Variants in MBD5 observed in about 807,000 individuals in gnomAD.
The protein encoded by MBD5 is methyl-CpG binding domain protein 5, also known as methyl-CpG-binding domain protein 5.
In MBD5, 13 loss-of-function variants were observed where a neutral mutation model predicts 117.3. The ratio of observed to expected loss-of-function variants is 0.11; its 90% CI spans 0.07 to 0.18. The LOEUF is 0.18. Among genes scored for constraint, MBD5 ranks in the 10% least tolerant of loss-of-function variants. MBD5 has a pLI of 1.00. For synonymous variants in MBD5, 727 were observed against 766.4 expected (o/e 0.95, Z 0.85); for missense variants, 1,879 against 2,093.8 (o/e 0.90, Z 2.00).
chr2:148,088,066 A>G (rs1695841837), intron 1 of MBD5, among the ~76,000 whole-genome samples: 1 of 152,174 alleles, frequency 6.6e-6, no homozygotes, highest in South Asian at 2.1e-4. Context: ...AGAGAAATAC[A>G]AAATGCACTG....
At position 148,337,527 on chromosome 2, in the gene MBD5, A is replaced by G. The variant is rs574423301; in HGVS notation, c.-679-4687A>G. Among the ~76,000 whole-genome samples, 3 of 152,324 alleles carry G rather than the reference A, an allele frequency of 2.0e-5. No individual in the cohort carries two copies. The South Asian group carries it at 6.2e-4, about 32-fold the overall frequency. On this transcript the variant is annotated intron_variant, in intron 3 of 13. Coordinates refer to ENST00000642680, the MANE Select transcript of MBD5 (RefSeq NM_001378120.1). ...GTGGAAATTTATGTGTAGCATGGCA[A>G]TGCATTGAACATCTCTGGAAGGATG...
At chr2:148,256,350 G>A (rs1700590263) in intron 3 of MBD5, among the ~76,000 whole-genome samples, 1 of 152,204 alleles carries the variant, frequency 6.6e-6, no homozygotes, top group African/African-American at 2.4e-5. Flanking sequence ...CTTGGCCAAG[G>A]CATCTGCCTC....
At chr2:148,303,554 C>G (rs1246616754) in intron 3 of MBD5, among the ~76,000 whole-genome samples, 2 of 151,840 alleles carry the variant, frequency 1.3e-5, no homozygotes, top group South Asian at 4.1e-4. Flanking sequence ...GTTATTTTAA[C>G]TGACAAAAAA....
intron 1 of MBD5, chr2:148,056,032 C>T (rs1465917749): frequency 2.6e-5 from 4 of 152,106 alleles, no homozygotes; most frequent in African/African-American, 9.7e-5. Flanking sequence ...ATGTCCAAGA[C>T]CATGGAATAC....
rs1705301099 is a variant in MBD5 at position 148,412,721 on chromosome 2, TG to T, written c.-556-45481del. Among the ~76,000 whole-genome samples the T allele has an allele frequency of 2.6e-5, 4 of 152,240 alleles. No homozygotes were observed. In the South Asian group the frequency reaches 8.3e-4, roughly 32 times the overall value. Reference sequence around the variant, plus strand: ...GGTATTTTATTCTTTTTGTGGCAAATGTGAATGGGATTGTGTTCCTGATTTG... The same window carrying T: ...GGTATTTTATTCTTTTTGTGGCAAATTGAATGGGATTGTGTTCCTGATTTG... On this transcript the variant is annotated intron_variant, in intron 4 of 13. Coordinates refer to ENST00000642680, the MANE Select transcript of MBD5 (RefSeq NM_001378120.1).
intron 1 of MBD5, among the ~76,000 whole-genome samples, chr2:148,048,001 A>T (rs1417273331): frequency 6.6e-6 from 1 of 152,206 alleles, no homozygotes; most frequent in East Asian, 1.9e-4. Context: ...TCCCAACTTA[A>T]ATATGCTGTC....
intron 3 of MBD5, among the ~76,000 whole-genome samples, chr2:148,257,802 G>A (rs1010052162): frequency 6.6e-6 from 1 of 152,170 alleles, no homozygotes; most frequent in Non-Finnish European, 1.5e-5. Flanking sequence ...ACTGTTCCTG[G>A]CTCTCTGGAG....
At chr2:148,061,591 C>T (rs982575857) in intron 1 of MBD5, among the ~76,000 whole-genome samples, 3 of 151,714 alleles carry the variant, frequency 2.0e-5, no homozygotes, top group South Asian at 4.1e-4. Flanking sequence ...AATGTTGGGC[C>T]TTAGGTTGTT....
chr2:148,164,528 C>T (rs899639875), intron 1 of MBD5, among the ~76,000 whole-genome samples: 1 of 151,782 alleles, frequency 6.6e-6, no homozygotes, highest in African/African-American at 2.4e-5. Flanking sequence ...AAACATTAGC[C>T]ATATAAAAAT....
chr2:148,318,997 T>C (rs1366166601), intron 3 of MBD5, among the ~76,000 whole-genome samples: 1 of 152,220 alleles, frequency 6.6e-6, no homozygotes, highest in Non-Finnish European at 1.5e-5. Context: ...ATTACAGGCA[T>C]GAGCCACTGC....
intron 3 of MBD5, among the ~76,000 whole-genome samples, chr2:148,295,088 T>C (rs1049758420): frequency 3.3e-5 from 5 of 152,198 alleles, no homozygotes; most frequent in African/African-American, 1.2e-4. Flanking sequence ...TAGTGAATTT[T>C]CATCAAATTT....
In MBD5 at chr2:148,341,862, G is replaced by T. The variant is rs1574310450; in HGVS notation, c.-679-352G>T. ...TTGTTGAATAAATATCAAATAAAAA[G>T]ATGTTGAGAGAATTAAATGAGATAT... is the stretch of plus-strand genomic sequence containing the variant. On this transcript the variant is annotated intron_variant, in intron 3 of 13. Transcript: ENST00000642680. Among the ~76,000 whole-genome samples the T allele has an allele frequency of 7.2e-5, 11 of 152,098 alleles. No homozygotes were observed. The South Asian group carries it at 2.3e-3, about 32-fold the overall frequency.
At chr2:148,341,793 T>C (rs1308759205) in intron 3 of MBD5, among the ~76,000 whole-genome samples, 1 of 152,010 alleles carries the variant, frequency 6.6e-6, no homozygotes, top group Non-Finnish European at 1.5e-5. Flanking sequence ...ATCACCATTA[T>C]ATCTCCAGTG....
chr2:148,350,011 G>A (rs910058188), intron 4 of MBD5, among the ~76,000 whole-genome samples: 8 of 151,840 alleles, frequency 5.3e-5, no homozygotes, highest in African/African-American at 2.4e-5. Context: ...CTGGAGCTTC[G>A]GAATCCTGAG....
intron 3 of MBD5, among the ~76,000 whole-genome samples, chr2:148,248,930 A>G (rs769728923): frequency 2.6e-5 from 4 of 152,136 alleles, no homozygotes; most frequent in Non-Finnish European, 4.4e-5. Context: ...CAATAAGTAT[A>G]CTGGGATCAT....
At chr2:148,079,133 A>G (rs953125994) in intron 1 of MBD5, among the ~76,000 whole-genome samples, 15 of 152,222 alleles carry the variant, frequency 9.9e-5, no homozygotes, top group Non-Finnish European at 2.2e-4. Flanking sequence ...TTTAAAAACA[A>G]AATTTAAGTG....
chr2:148,396,118 A>G (rs1485373016), intron 4 of MBD5, among the ~76,000 whole-genome samples: 1 of 152,102 alleles, frequency 6.6e-6, no homozygotes, highest in Non-Finnish European at 1.5e-5. Context: ...TTTTTATCCC[A>G]TTAAAACTGA....
At chr2:148,426,901 A>G (rs892076083) in intron 4 of MBD5, among the ~76,000 whole-genome samples, 4 of 152,192 alleles carry the variant, frequency 2.6e-5, no homozygotes, top group Admixed American at 6.5e-5. Flanking sequence ...CAATCTACTC[A>G]TCTGACAAAG....
intron 3 of MBD5, among the ~76,000 whole-genome samples, chr2:148,276,211 T>C (rs1043919275): frequency 2.0e-5 from 3 of 152,110 alleles, no homozygotes; most frequent in African/African-American, 7.2e-5. Context: ...TCCTAGCTAC[T>C]TGGGGGGCTG....
Sources: allele counts gnomAD v4.1 joint callset (sites outside exome capture counted in the v4.1 genomes callset), GRCh38; gene constraint gnomAD v4.1.1; transcripts MANE v1.5; gene names NCBI Gene and HGNC (gene_info 2026-07-23, HGNC 2026-07-21).